The following CR1 variants were observed in gnomAD, a reference collection of about 807,000 sequenced individuals.
CR1 encodes the protein complement receptor type 1.
Under a neutral mutation model 187.3 loss-of-function variants are expected in CR1, and 116 were observed. The ratio of observed to expected loss-of-function variants is 0.62; its 90% CI spans 0.53 to 0.72. The LOEUF is 0.72. Ranked by LOEUF, CR1 falls within the 30% of genes least tolerant of loss-of-function variation. The pLI is 0.00. For synonymous variants in CR1, 576 were observed against 747.1 expected (o/e 0.77, Z 3.73); for missense variants, 1,731 against 2,110.7 (o/e 0.82, Z 3.52).
chr1:207,639,328 C>T (rs1662910192), intron 46 of CR1, 69 bp from the exon 47 acceptor site: 19 of 1,414,806 alleles, frequency 1.3e-5, no homozygotes, highest in South Asian at 9.8e-5. Context: ...AGCTTATCAG[C>T]CTGTAAATTC....
At chr1:207,517,943 A>C (rs1659853904) in intron 4 of CR1, among the ~76,000 whole-genome samples, 2 of 152,116 alleles carry the variant, frequency 1.3e-5, no homozygotes, top group Admixed American at 1.3e-4. Context: ...TCAGAAAAAC[A>C]ACTTTTAACT....
rs1313431497 is a variant in CR1, at chr1:207,609,271, A to T, written c.5897-19A>T. On this transcript the variant is annotated intron_variant, in intron 36 of 46. Coordinates refer to ENST00000367049, the MANE Select transcript of CR1 (RefSeq NM_000651.6). ...TTATTAAAAAATAAGCTGTTTTACC[A>T]TACTCTTCCTTCTCTCAGTCATATC... 2 of 1,562,624 alleles carry T rather than the reference A, an allele frequency of 1.3e-6. No homozygotes were observed. The highest frequency in any genetic ancestry group is 1.7e-6 in the Non-Finnish European group (2 of 1,153,392).
At chr1:207,578,775 T>G (rs1317199009) in intron 29 of CR1, among the ~76,000 whole-genome samples, 1 of 152,264 alleles carries the variant, frequency 6.6e-6, no homozygotes, top group East Asian at 1.9e-4. Flanking sequence ...GAGACTGGCT[T>G]ACAAAGACAG....
intron 36 of CR1, among the ~76,000 whole-genome samples, chr1:207,607,604 C>T (rs528593574): frequency 4.6e-5 from 7 of 152,238 alleles, no homozygotes; most frequent in African/African-American, 9.6e-5. Flanking sequence ...TTAATGAGTA[C>T]ATTTTAAAGG....
rs765243201 is a variant in CR1 at position 207,618,120 on chromosome 1, C to T, written c.6939C>T (p.His2313=). The T allele has an allele frequency of 1.2e-5, 20 of 1,613,774 alleles. No homozygotes were observed. The highest frequency in any genetic ancestry group is 6.7e-5 in the African/African-American group (5 of 74,906). ...AAAACGGGCATTACATTGGAGGACACGTATCTCTATATCTTCCTGGGATGA... is the reference window on the plus strand; with the variant it reads ...AAAACGGGCATTACATTGGAGGACATGTATCTCTATATCTTCCTGGGATGA... ...KIQNGHYIGG[H]VSLYLPGMTI... is the part of the protein sequence containing the mutation. Residue 2313 remains histidine, a synonymous_variant, in exon 42 of 47, where the codon CAC becomes CAT. Coordinates refer to ENST00000367049, the MANE Select transcript of CR1 (RefSeq NM_000651.6).
chr1:207,510,741 C>G (rs150934708), intron 3 of CR1, among the ~76,000 whole-genome samples: 1,794 of 150,796 alleles, frequency 0.012, 18 homozygotes, highest in Non-Finnish European at 0.019. Context: ...TTCCTTCCTT[C>G]CTTCTTTCCT....
chr1:207,580,583 G>T lies in CR1; in HGVS notation c.5186G>T (p.Gly1729Val), dbSNP rs751016624. ...RVLFPLNLQL[G>V]AKVSFVCDEG... ...CTATTTCCACTTAATCTCCAGCTTGGGGCAAAGGTGTCCTTTGTCTGTGAT... is the reference window on the plus strand; with the variant it reads ...CTATTTCCACTTAATCTCCAGCTTGTGGCAAAGGTGTCCTTTGTCTGTGAT... Residue 1729 changes from glycine (G) to valine (V), a missense_variant, in exon 31 of 47, where the codon GGG becomes GTG. This residue lies in a region of CR1 where 1,312 missense variants were observed against 1,379.6 expected (regional missense o/e 0.95). Transcript: ENST00000367049. 1 of 1,613,202 alleles carries T rather than the reference G, an allele frequency of 6.2e-7. No homozygotes were observed.
At chr1:207,524,366 A>C (rs150131511) in intron 5 of CR1, among the ~76,000 whole-genome samples, 1,827 of 152,082 alleles carry the variant, frequency 0.012, 53 homozygotes, top group African/African-American at 0.04. Context: ...TTAGGTAGTT[A>C]CCAGTTGTTC....
intron 4 of CR1, 142 bp downstream of exon 4, chr1:207,511,796 T>C: frequency 1.4e-6 from 1 of 695,470 alleles, no homozygotes; most frequent in Non-Finnish European, 2.3e-6. Flanking sequence ...CGAATATTCC[T>C]ATGGGGTTCC....
At chr1:207,586,834 C>G (rs1312579110) in intron 33 of CR1, among the ~76,000 whole-genome samples, 1 of 152,142 alleles carries the variant, frequency 6.6e-6, no homozygotes, top group Non-Finnish European at 1.5e-5. Context: ...GATCTAATCT[C>G]AAGAACCTAA....
rs532913792 is a variant in CR1, at chr1:207,516,869, A to G, written c.487+5215A>G. ...GTAGATTCTTTTGAATTTGCTGTGTAATTATGTCATCTATGAATCTGACAA... is the reference window on the plus strand; with the variant it reads ...GTAGATTCTTTTGAATTTGCTGTGTGATTATGTCATCTATGAATCTGACAA... On this transcript the variant is annotated intron_variant, in intron 4 of 46. Transcript: ENST00000367049. Among the ~76,000 whole-genome samples, 8 of 152,250 alleles carry G rather than the reference A, an allele frequency of 5.3e-5. No individual in the cohort carries two copies. In the East Asian group the frequency reaches 9.6e-4, roughly 18 times the overall value.
intron 35 of CR1, among the ~76,000 whole-genome samples, chr1:207,593,082 T>TTAAAA (rs1661322068): frequency 1.7e-5 from 1 of 59,936 alleles, no homozygotes; most frequent in Admixed American, 1.6e-4. Context: ...TTCACAGAAT[T>TTAAAA]ACAAAAAAAA....
intron 32 of CR1, among the ~76,000 whole-genome samples, chr1:207,582,988 T>C (rs369745956): frequency 1.6e-4 from 24 of 152,248 alleles, no homozygotes; most frequent in African/African-American, 4.8e-4. Flanking sequence ...AGGCTGCCCA[T>C]AGATATGTAG....
rs549211394 is a variant in CR1 at position 207,524,741 on chromosome 1, C to G, written c.886+732C>G. Among the ~76,000 whole-genome samples the G allele has an allele frequency of 1.4e-4, 21 of 151,900 alleles. No individual in the cohort carries two copies. In the South Asian group the frequency reaches 4.4e-3, roughly 32 times the overall value. ...AGACACATCAGATAACATTCTGAGACAGTAACTTGCAGACAAAACTGGATT... is the reference window on the plus strand; with the variant it reads ...AGACACATCAGATAACATTCTGAGAGAGTAACTTGCAGACAAAACTGGATT... On this transcript the variant is annotated intron_variant, in intron 5 of 46. Transcript: ENST00000367049.
chr1:207,630,802 TG>T (rs1188928721), intron 46 of CR1, among the ~76,000 whole-genome samples, 181 bp downstream of exon 46: 5 of 152,212 alleles, frequency 3.3e-5, no homozygotes, highest in Non-Finnish European at 7.3e-5. Context: ...TCCAATGTTT[TG>T]GGGTGATGAC....
At chr1:207,506,583 T>A (rs1186568129) in intron 2 of CR1, 131 bp from the exon 3 acceptor site, 3 of 744,096 alleles carry the variant, frequency 4.0e-6, no homozygotes. Context: ...TTCCTCAAGG[T>A]AGCAAAATCT....
At chr1:207,598,683 G>T (rs920547018) in intron 35 of CR1, among the ~76,000 whole-genome samples, 2 of 152,184 alleles carry the variant, frequency 1.3e-5, no homozygotes, top group Non-Finnish European at 2.9e-5. Context: ...CTCCCAAAGT[G>T]CTGGGATTAC....
intron 28 of CR1, among the ~76,000 whole-genome samples, chr1:207,576,452 T>C (rs957754627): frequency 6.6e-6 from 1 of 152,212 alleles, no homozygotes; most frequent in African/African-American, 2.4e-5. Flanking sequence ...ATGTTTATTA[T>C]ATGTAATATT....
At chr1:207,610,166 T>C (rs1661879367) in intron 37 of CR1, among the ~76,000 whole-genome samples, 1 of 152,134 alleles carries the variant, frequency 6.6e-6, no homozygotes, top group Non-Finnish European at 1.5e-5. Context: ...CTTCAACTTT[T>C]TCTCATTATA....
Sources: allele counts gnomAD v4.1 joint callset (sites outside exome capture counted in the v4.1 genomes callset), GRCh38; gene constraint gnomAD v4.1.1; regional missense constraint gnomAD v4.1.1; transcripts MANE v1.5; gene names NCBI Gene and HGNC (gene_info 2026-07-23, HGNC 2026-07-21).